The following CCSER1 variants were observed in gnomAD, a reference collection of about 807,000 sequenced individuals.
CCSER1 encodes the protein coiled-coil serine rich protein 1, also known as serine-rich coiled-coil domain-containing protein 1.
A neutral mutation model predicts 82.0 loss-of-function variants in CCSER1; 41 were observed. The ratio of observed to expected loss-of-function variants is 0.50; its 90% CI spans 0.39 to 0.65. The LOEUF (loss-of-function observed/expected upper bound fraction) is 0.65. Ranked by LOEUF, CCSER1 falls within the 30% of genes least tolerant of loss-of-function variation. CCSER1 has a pLI of 0.00. For missense variants in CCSER1, 1,119 were observed against 1,064.2 expected (o/e 1.05, Z -0.72); for synonymous variants, 414 against 383.9 (o/e 1.08, Z -0.92).
Position 91,495,648 on chromosome 4 carries a change from A to G in CCSER1, c.2218-102924A>G, listed in dbSNP as rs370042449. ...TTATTATTCAAGTATCAATTTCATAATTTTGGTTTACAAGCAGAAATATTT... is the reference window on the plus strand; with the variant it reads ...TTATTATTCAAGTATCAATTTCATAGTTTTGGTTTACAAGCAGAAATATTT... On this transcript the variant is annotated intron_variant, in intron 10 of 10. Coordinates refer to ENST00000509176, the MANE Select transcript of CCSER1 (RefSeq NM_001145065.2). Among the ~76,000 whole-genome samples, 8 of 151,630 alleles carry G rather than the reference A, an allele frequency of 5.3e-5. No individual in the cohort carries two copies. The East Asian group carries it at 1.2e-3, about 22-fold the overall frequency.
At chr4:90,872,913 T>C (rs1766733467) in intron 8 of CCSER1, among the ~76,000 whole-genome samples, 1 of 152,046 alleles carries the variant, frequency 6.6e-6, no homozygotes, top group African/African-American at 2.4e-5. Context: ...TCCTGGCATA[T>C]CAGGTTTCTA....
chr4:91,025,181 C>G (rs954721228), intron 9 of CCSER1, among the ~76,000 whole-genome samples: 1 of 152,002 alleles, frequency 6.6e-6, no homozygotes, highest in African/African-American at 2.4e-5. Flanking sequence ...ATATATTTGT[C>G]TCTTGTAATT....
At chr4:91,503,348 A>T in intron 10 of CCSER1, among the ~76,000 whole-genome samples, 1 of 152,008 alleles carries the variant, frequency 6.6e-6, no homozygotes, top group Admixed American at 6.5e-5. Flanking sequence ...TCTCAAAAAA[A>T]AAAAAAAGAA....
intron 7 of CCSER1, among the ~76,000 whole-genome samples, chr4:90,813,048 G>A (rs62309546): frequency 0.33 from 50,804 of 151,960 alleles, 8,643 homozygotes; most frequent in East Asian, 0.42. Context: ...CTTCACAACA[G>A]TCCCCCAAAG....
intron 1 of CCSER1, among the ~76,000 whole-genome samples, chr4:90,144,987 C>T (rs1015221450): frequency 2.0e-5 from 3 of 151,980 alleles, no homozygotes; most frequent in African/African-American, 4.8e-5. Context: ...CCATTATTTT[C>T]GTTTCAATAA....
chr4:91,467,953 A>C (rs1490187971), intron 10 of CCSER1, among the ~76,000 whole-genome samples: 1 of 152,210 alleles, frequency 6.6e-6, no homozygotes, highest in Non-Finnish European at 1.5e-5. Context: ...GCGATTCCTC[A>C]GGGATCTAGA....
At chr4:90,675,534 T>C (rs1285931525) in intron 6 of CCSER1, among the ~76,000 whole-genome samples, 2 of 151,970 alleles carry the variant, frequency 1.3e-5, no homozygotes, top group African/African-American at 4.8e-5. Flanking sequence ...GTGTATATCT[T>C]ATGGGTAGAC....
intron 10 of CCSER1, among the ~76,000 whole-genome samples, chr4:91,461,592 T>C (rs114297318): frequency 0.013 from 1,912 of 152,292 alleles, 46 homozygotes; most frequent in African/African-American, 0.043. Flanking sequence ...CAGCCCTCAT[T>C]TGGATTAGCT....
At chr4:91,406,827 A>G (rs1752733869) in intron 10 of CCSER1, among the ~76,000 whole-genome samples, 1 of 152,226 alleles carries the variant, frequency 6.6e-6, no homozygotes, top group African/African-American at 2.4e-5. Context: ...ACTAGACAGA[A>G]TAAGTTTCTA....
At chr4:91,439,268 CTA>C (rs1236584034) in intron 10 of CCSER1, among the ~76,000 whole-genome samples, 1 of 152,156 alleles carries the variant, frequency 6.6e-6, no homozygotes, top group Non-Finnish European at 1.5e-5. Context: ...GCCCATCAGA[CTA>C]ACAGCGGATC....
intron 10 of CCSER1, among the ~76,000 whole-genome samples, chr4:91,405,574 A>T (rs1404201203): frequency 6.6e-6 from 1 of 152,328 alleles, no homozygotes; most frequent in East Asian, 1.9e-4. Context: ...AGCCTCAGCA[A>T]TGGCTGGCGC....
chr4:91,286,805 T>C (rs1743312198), intron 10 of CCSER1, among the ~76,000 whole-genome samples: 1 of 151,876 alleles, frequency 6.6e-6, no homozygotes, highest in Admixed American at 6.6e-5. Flanking sequence ...TCAAGTTTCG[T>C]AATGTATTCA....
At chr4:90,299,157 T>A in intron 1 of CCSER1, among the ~76,000 whole-genome samples, 1 of 152,132 alleles carries the variant, frequency 6.6e-6, no homozygotes. Flanking sequence ...CCTGCTAGAA[T>A]AATTTCTTTC....
intron 5 of CCSER1, among the ~76,000 whole-genome samples, chr4:90,574,849 T>C (rs1044049708): frequency 6.6e-6 from 1 of 152,114 alleles, no homozygotes; most frequent in Non-Finnish European, 1.5e-5. Flanking sequence ...AATTTCTCCC[T>C]CCAAACATCA....
At chr4:91,576,492 G>A (rs1406904323) in intron 10 of CCSER1, among the ~76,000 whole-genome samples, 3 of 151,926 alleles carry the variant, frequency 2.0e-5, no homozygotes, top group African/African-American at 4.8e-5. Context: ...TAGTGACTAT[G>A]TTTAATAATG....
At position 90,137,877 on chromosome 4, in the gene CCSER1, T is replaced by C. The variant is rs568830058; in HGVS notation, c.-42+10046T>C. Among the ~76,000 whole-genome samples, 3 of 152,348 alleles carry C rather than the reference T, an allele frequency of 2.0e-5. No homozygotes were observed. In the East Asian group the frequency reaches 5.8e-4, roughly 29 times the overall value. ...TACTAACCTTCCATCATTTGGCTTATTCTAGTAGGCCCTTCAAAGTTCTTT... is the reference window on the plus strand; with the variant it reads ...TACTAACCTTCCATCATTTGGCTTACTCTAGTAGGCCCTTCAAAGTTCTTT... On this transcript the variant is annotated intron_variant, in intron 1 of 10. Coordinates refer to ENST00000509176, the MANE Select transcript of CCSER1 (RefSeq NM_001145065.2).
chr4:90,273,514 A>C (rs1280257867), intron 1 of CCSER1, among the ~76,000 whole-genome samples: 1 of 152,160 alleles, frequency 6.6e-6, no homozygotes, highest in Non-Finnish European at 1.5e-5. Context: ...ATTTTAAAAA[A>C]CTGAAGTTTT....
At chr4:90,462,646 G>A (rs978606453) in intron 4 of CCSER1, among the ~76,000 whole-genome samples, 5 of 152,108 alleles carry the variant, frequency 3.3e-5, no homozygotes, top group African/African-American at 4.8e-5. Flanking sequence ...TGAGGCAGGC[G>A]GATCGCTTGA....
In CCSER1 at chr4:91,337,426, G is replaced by T. The variant is rs1747397798; in HGVS notation, c.2217+251432G>T. On this transcript the variant is annotated intron_variant, in intron 10 of 10. Coordinates refer to ENST00000509176, the MANE Select transcript of CCSER1 (RefSeq NM_001145065.2). The stretch of plus-strand genomic sequence containing the variant: ...AATCCTGTTCAGTTAATCTAAATTG[G>T]AATACAGATTAGAACATCTGGCATT... Among the ~76,000 whole-genome samples, 3 of 152,082 alleles carry T rather than the reference G, an allele frequency of 2.0e-5. 1 individual carries two copies. In the South Asian group the frequency reaches 6.2e-4, roughly 31 times the overall value.
Sources: gnomAD v4.1 joint callset for allele counts (sites outside exome capture counted in the v4.1 genomes callset) on GRCh38, gnomAD v4.1.1 for gene constraint, MANE v1.5 for transcripts, NCBI Gene and HGNC (gene_info 2026-07-23, HGNC 2026-07-21) for gene names.